The following THSD4 variants were observed in gnomAD, a reference collection of about 807,000 sequenced individuals.
THSD4 encodes the protein thrombospondin type 1 domain containing 4.
In THSD4, 69 loss-of-function variants were observed where a neutral mutation model predicts 119.0. The observed-to-expected ratio is 0.58, with a 90% CI of 0.48 to 0.71. THSD4 has a LOEUF of 0.71. THSD4 is among the 30% of genes least tolerant of loss of function. The pLI, the probability that THSD4 is intolerant of heterozygous loss-of-function variation, is 0.00. For missense variants in THSD4, 1,393 were observed against 1,391.1 expected, an observed-to-expected ratio of 1.00 and a Z score of -0.02; for synonymous variants, 524 against 540.4, an observed-to-expected ratio of 0.97 and a Z score of 0.42.
At chr15:71,739,801 GTT>G (rs11314493) in intron 11 of THSD4, among the ~76,000 whole-genome samples, 37 of 142,140 alleles carry the variant, frequency 2.6e-4, no homozygotes, top group Non-Finnish European at 2.3e-4. Context: ...GTTTGGGGTG[GTT>G]TTTTTTTTTT....
intron 8 of THSD4, among the ~76,000 whole-genome samples, chr15:71,724,136 C>T (rs1342691749): frequency 1.4e-4 from 20 of 147,702 alleles, no homozygotes; most frequent in African/African-American, 4.7e-4. Context: ...GAAGAAGGGA[C>T]AGCACCGTGG....
chr15:71,165,170 C>T (rs1456238713), intron 3 of THSD4: 3 of 1,587,866 alleles, frequency 1.9e-6, no homozygotes, highest in African/African-American at 1.3e-5. Context: ...TTTTGTCTCC[C>T]CTTTGGGAGG....
At chr15:71,407,823 C>A (rs376162601) in intron 6 of THSD4, among the ~76,000 whole-genome samples, 71 of 152,290 alleles carry the variant, frequency 4.7e-4, no homozygotes, top group African/African-American at 1.6e-3. Context: ...TAGACCTCAT[C>A]CCCAGAGTTT....
chr15:71,309,626 T>C (rs2045083421), intron 6 of THSD4, among the ~76,000 whole-genome samples: 1 of 152,236 alleles, frequency 6.6e-6, no homozygotes, highest in Non-Finnish European at 1.5e-5. Context: ...TTTATAGTTT[T>C]AGATCCCTGA....
chr15:71,174,155 C>A (rs1434780196), intron 3 of THSD4, among the ~76,000 whole-genome samples: 3 of 152,044 alleles, frequency 2.0e-5, no homozygotes, highest in East Asian at 1.9e-4. Flanking sequence ...CCAAGATGGC[C>A]GAATAGGAAC....
rs189034632 is a variant in THSD4, at chr15:71,486,490, G to A, written c.1152+74667G>A. ...CGTAAATGCCCATTCTCTCACTTACGTGTGGCATAAGTGGCATACATGGCT... is the reference window on the plus strand; with the variant it reads ...CGTAAATGCCCATTCTCTCACTTACATGTGGCATAAGTGGCATACATGGCT... On this transcript the variant is annotated intron_variant, in intron 7 of 17. Transcript: ENST00000261862. 3.6e-3 allele frequency among the ~76,000 whole-genome samples: 544 copies of A among 152,226 alleles called. 2 individuals are homozygous for A. Among genetic ancestry groups the A allele is most frequent in the African/African-American group, 0.012 (490 of 41,532 alleles).
intron 1 of THSD4, among the ~76,000 whole-genome samples, chr15:71,131,825 A>C (rs533218652): frequency 2.0e-5 from 3 of 152,132 alleles, no homozygotes; most frequent in African/African-American, 4.8e-5. Context: ...TCAGTCCTCT[A>C]TGCCTTCTCT....
At chr15:71,718,714 G>A (rs1013056780) in intron 8 of THSD4, among the ~76,000 whole-genome samples, 6 of 151,974 alleles carry the variant, frequency 3.9e-5, no homozygotes, top group South Asian at 4.2e-4. Flanking sequence ...TTCTAAGGTC[G>A]TGCCCCCTCC....
chr15:71,711,047 A>G (rs1208600242), intron 8 of THSD4, among the ~76,000 whole-genome samples: 1 of 150,320 alleles, frequency 6.7e-6, no homozygotes, highest in African/African-American at 2.5e-5. Flanking sequence ...AAGTTCTATA[A>G]AATATGCATG....
At chr15:71,123,097 G>T (rs1041501624) in intron 1 of THSD4, among the ~76,000 whole-genome samples, 33 of 152,346 alleles carry the variant, frequency 2.2e-4, no homozygotes, top group African/African-American at 7.5e-4. Context: ...TTAGCAAGGG[G>T]TGTGAGAGGT....
chr15:71,477,210 C>A (rs1689864280), intron 7 of THSD4, among the ~76,000 whole-genome samples: 1 of 152,202 alleles, frequency 6.6e-6, no homozygotes, highest in African/African-American at 2.4e-5. Flanking sequence ...CCAGCCAGGG[C>A]CAAATGTGTG....
intron 7 of THSD4, among the ~76,000 whole-genome samples, chr15:71,452,964 G>A (rs2140587651): frequency 6.6e-6 from 1 of 152,280 alleles, no homozygotes; most frequent in Non-Finnish European, 1.5e-5. Context: ...CCCCTGTGAT[G>A]AAATTGGTGC....
chr15:71,548,467 G>T (rs1328605979), intron 7 of THSD4, among the ~76,000 whole-genome samples: 2 of 152,236 alleles, frequency 1.3e-5, no homozygotes, highest in Non-Finnish European at 2.9e-5. Context: ...GAGTGGAAGT[G>T]GGAGTGCTCC....
intron 8 of THSD4, among the ~76,000 whole-genome samples, chr15:71,661,300 C>G (rs2051300743): frequency 6.6e-6 from 1 of 152,148 alleles, no homozygotes; most frequent in African/African-American, 2.4e-5. Context: ...ACCCATTTTT[C>G]TACAAAAGAT....
intron 7 of THSD4, among the ~76,000 whole-genome samples, chr15:71,543,241 TAA>T (rs1195885217): frequency 1.3e-5 from 2 of 152,170 alleles, no homozygotes; most frequent in African/African-American, 4.8e-5. Context: ...TCTGTAAACC[TAA>T]AGTTATTTCA....
At chr15:71,606,007 C>T (rs1362467424) in intron 7 of THSD4, among the ~76,000 whole-genome samples, 1 of 152,176 alleles carries the variant, frequency 6.6e-6, no homozygotes, top group African/African-American at 2.4e-5. Context: ...AGGGAGGAGT[C>T]ATCACCTGGG....
At chr15:71,754,681 C>T (rs949482441) in intron 14 of THSD4, among the ~76,000 whole-genome samples, 1 of 152,090 alleles carries the variant, frequency 6.6e-6, no homozygotes, top group African/African-American at 2.4e-5. Flanking sequence ...GTTTCCTCTG[C>T]ATTCTTAGGT....
chr15:71,644,365 TA>T (rs1461489728), intron 7 of THSD4, among the ~76,000 whole-genome samples: 1 of 152,214 alleles, frequency 6.6e-6, no homozygotes, highest in Non-Finnish European at 1.5e-5. Context: ...ATTTCAGAGC[TA>T]TATTTTCTGA....
chr15:71,612,445 G>C (rs1221311480), intron 7 of THSD4, among the ~76,000 whole-genome samples: 2 of 152,178 alleles, frequency 1.3e-5, no homozygotes, highest in Non-Finnish European at 1.5e-5. Context: ...GGAATTCAAA[G>C]GGCAGGTCCC....
Sources: allele counts gnomAD v4.1 joint callset (sites outside exome capture counted in the v4.1 genomes callset), GRCh38; gene constraint gnomAD v4.1.1; transcripts MANE v1.5; gene names NCBI Gene and HGNC (gene_info 2026-07-23, HGNC 2026-07-21).